The following GPM6A variants were observed in gnomAD, a reference collection of about 807,000 sequenced individuals.
GPM6A encodes neuronal membrane glycoprotein M6-a.
A neutral mutation model predicts 32.1 loss-of-function variants in GPM6A; 7 were observed. That is an observed-to-expected ratio of 0.22 (90% CI 0.12 to 0.41). The LOEUF (loss-of-function observed/expected upper bound fraction) is 0.41. Ranked by LOEUF, GPM6A falls within the 10% of genes least tolerant of loss-of-function variation. The pLI is 1.00. For synonymous variants in GPM6A, 130 were observed against 123.4 expected (o/e 1.05, Z -0.35); for missense variants, 235 against 347.2 (o/e 0.68, Z 2.57).
intron 1 of GPM6A, among the ~76,000 whole-genome samples, chr4:175,980,488 G>A (rs116080575): frequency 8.9e-4 from 136 of 152,180 alleles, no homozygotes; most frequent in African/African-American, 3.0e-3. Flanking sequence ...TTTCTGACAC[G>A]GGCCTTATTA....
At chr4:175,889,682 G>C (rs1359946248) in intron 1 of GPM6A, among the ~76,000 whole-genome samples, 1 of 151,978 alleles carries the variant, frequency 6.6e-6, no homozygotes, top group African/African-American at 2.4e-5. Context: ...GCGTGGTGGC[G>C]GACGCCTGTA....
chr4:175,787,084 C>G (rs533555421), intron 1 of GPM6A, among the ~76,000 whole-genome samples: 1 of 151,878 alleles, frequency 6.6e-6, no homozygotes, highest in East Asian at 1.9e-4. Flanking sequence ...TCTATTTCTC[C>G]CTCTGTTCTT....
chr4:175,900,304 GAAGGAAAGGAAAGGAAAGGAAAGGA>G lies in GPM6A; in HGVS notation c.-22-88080_-22-88056del, dbSNP rs70962429. 6.8e-3 allele frequency among the ~76,000 whole-genome samples: 872 copies of G among 128,104 alleles called. 7 individuals carry two copies. The highest frequency in any genetic ancestry group is 0.024 in the African/African-American group (781 of 33,092). The allele number at this position is 128,104 out of a possible 152,430, so 84.0% of individuals were successfully genotyped here. On this transcript the variant is annotated intron_variant, in intron 1 of 7. Transcript: ENST00000280187. ...AAAAAAAAGAGAGAAGAAAAGAAAAGAAGGAAAGGAAAGGAAAGGAAAGGAAAGGAAAGGAAAGGAAAGGAAAAGA... is the reference window on the plus strand; with the variant it reads ...AAAAAAAAGAGAGAAGAAAAGAAAAGAAGGAAAGGAAAGGAAAGGAAAAGA...
chr4:175,664,170 G>A (rs771661310), intron 3 of GPM6A, among the ~76,000 whole-genome samples: 1 of 152,162 alleles, frequency 6.6e-6, no homozygotes, highest in African/African-American at 2.4e-5. Context: ...AGAATCAGCT[G>A]TCTATAGGGG....
chr4:175,918,799 A>G (rs1181670515), intron 1 of GPM6A, among the ~76,000 whole-genome samples: 1 of 152,208 alleles, frequency 6.6e-6, no homozygotes, highest in African/African-American at 2.4e-5. Context: ...AAACAACAGC[A>G]TATCACATGT....
At chr4:175,780,974 T>G (rs1733592219) in intron 1 of GPM6A, among the ~76,000 whole-genome samples, 1 of 152,056 alleles carries the variant, frequency 6.6e-6, no homozygotes, top group South Asian at 2.1e-4. Flanking sequence ...TGGAGGAATT[T>G]AGGAGCCTTA....
chr4:175,921,457 A>G (rs1738662444), intron 1 of GPM6A, among the ~76,000 whole-genome samples: 1 of 152,164 alleles, frequency 6.6e-6, no homozygotes, highest in Non-Finnish European at 1.5e-5. Flanking sequence ...TTTTAATCAG[A>G]GTCTTTAAGT....
At chr4:175,741,642 C>T (rs1207165219) in intron 1 of GPM6A, among the ~76,000 whole-genome samples, 1 of 152,066 alleles carries the variant, frequency 6.6e-6, no homozygotes, top group African/African-American at 2.4e-5. Context: ...ACAAACATCA[C>T]ACTCACACTT....
chr4:175,831,936 C>T (rs1735628979), intron 1 of GPM6A, among the ~76,000 whole-genome samples: 1 of 151,822 alleles, frequency 6.6e-6, no homozygotes, highest in African/African-American at 2.4e-5. Context: ...CCAGGTTGGT[C>T]TTGAACTCTT....
intron 1 of GPM6A, among the ~76,000 whole-genome samples, chr4:175,820,999 C>G (rs1405657997): frequency 6.6e-6 from 1 of 152,012 alleles, no homozygotes; most frequent in African/African-American, 2.4e-5. Flanking sequence ...CCCTACAAGT[C>G]TGAGGTGTAT....
chr4:175,668,334 A>T (rs1231748120), intron 3 of GPM6A, among the ~76,000 whole-genome samples: 1 of 151,652 alleles, frequency 6.6e-6, no homozygotes, highest in African/African-American at 2.4e-5. Flanking sequence ...TTTTTCAAAC[A>T]TTTTTTTAAA....
At chr4:175,736,525 A>G (rs1044850010) in intron 1 of GPM6A, among the ~76,000 whole-genome samples, 2 of 152,218 alleles carry the variant, frequency 1.3e-5, no homozygotes, top group African/African-American at 2.4e-5. Flanking sequence ...GCAATTCTCT[A>G]TAAAGAAGAT....
intron 1 of GPM6A, among the ~76,000 whole-genome samples, chr4:175,835,390 T>C (rs1735733775): frequency 6.6e-6 from 1 of 152,138 alleles, no homozygotes; most frequent in Non-Finnish European, 1.5e-5. Flanking sequence ...TAAACCTGAC[T>C]GTACGTTTTG....
intron 1 of GPM6A, among the ~76,000 whole-genome samples, chr4:175,829,555 G>A (rs988774): frequency 0.97 from 145,744 of 150,730 alleles, 70,658 homozygotes; most frequent in East Asian, 1. Context: ...TTGGAGAGCT[G>A]TCCGCTGGGG....
At position 175,673,794 on chromosome 4, in the gene GPM6A, C is replaced by A. The variant is rs758575502; in HGVS notation, c.273G>T (p.Ala91=). Residue 91 remains alanine (A), a synonymous_variant, in exon 3 of 7, where the codon GCG becomes GCT. Coordinates refer to ENST00000393658, the MANE Select transcript of GPM6A (RefSeq NM_201591.3). Reference sequence around the variant, plus strand: ...TCAGCAAAATGCCATACACAAAGAACGCAGCTGCGATGCCGTAGATCACAT... The same window carrying A: ...TCAGCAAAATGCCATACACAAAGAAAGCAGCTGCGATGCCGTAGATCACAT... ...FKYVIYGIAA[A]FFVYGILLMV... is the part of the protein sequence containing the mutation. 5.6e-6 allele frequency: 9 copies of A among 1,611,090 alleles called. No homozygotes were observed. The highest frequency in any genetic ancestry group is 5.0e-5 in the Admixed American group (3 of 59,980).
At chr4:175,724,451 G>A (rs11943122) in intron 1 of GPM6A, among the ~76,000 whole-genome samples, 1 of 151,960 alleles carries the variant, frequency 6.6e-6, no homozygotes, top group African/African-American at 2.4e-5. Context: ...GGCTAAGGTG[G>A]GGGGAATCGC....
chr4:175,816,419 C>T (rs573847309), upstream of GPM6A, among the ~76,000 whole-genome samples: 111 of 152,202 alleles, frequency 7.3e-4, no homozygotes, highest in Admixed American at 1.0e-3. Context: ...TATGGATAAA[C>T]ACATTATTAT....
Position 175,791,502 on chromosome 4 carries a change from A to G in GPM6A, c.37+20689T>C, listed in dbSNP as rs948096026. On this transcript the variant is annotated intron_variant, in intron 1 of 6. Coordinates refer to ENST00000393658, the MANE Select transcript of GPM6A (RefSeq NM_201591.3). ...TTGACATTAATTTGTAGACTGTTGG[A>G]TGTATTGTTATAAATGTCCCTATAT... is the stretch of plus-strand genomic sequence containing the variant. 2.0e-5 allele frequency among the ~76,000 whole-genome samples: 3 copies of G among 152,152 alleles called. 1 individual carries two copies. Among genetic ancestry groups the G allele is most frequent in the African/African-American group, 7.2e-5 (3 of 41,430 alleles).
intron 1 of GPM6A, among the ~76,000 whole-genome samples, chr4:175,877,748 C>A (rs544115781): frequency 6.6e-6 from 1 of 152,248 alleles, no homozygotes; most frequent in African/African-American, 2.4e-5. Context: ...CGGCCCCTCC[C>A]AAATCTTATG....
Sources: gnomAD v4.1 joint callset for allele counts (sites outside exome capture counted in the v4.1 genomes callset) on GRCh38, gnomAD v4.1.1 for gene constraint, MANE v1.5 for transcripts, NCBI Gene and HGNC (gene_info 2026-07-23, HGNC 2026-07-21) for gene names.